HAPSTR1: variants seen among roughly 807,000 people sequenced by gnomAD.
HAPSTR1 encodes HUWE1-associated protein modifying stress responses 1.
chr16:9,099,467 A>C, the HAPSTR1 span, among the ~76,000 whole-genome samples: 1 of 152,322 alleles, frequency 6.6e-6, no homozygotes, highest in Non-Finnish European at 1.5e-5. Flanking sequence ...TGCTGGGATT[A>C]CACGGATGAG....
At chr16:9,117,232 T>C in the HAPSTR1 span, 1 of 252,496 alleles carries the variant, frequency 4.0e-6, no homozygotes, top group Non-Finnish European at 7.7e-6. Flanking sequence ...GGAAAGGAAA[T>C]ATCAGATGTT....
At chr16:9,119,393 GTT>G in the HAPSTR1 span, 2 of 152,206 alleles carry the variant, frequency 1.3e-5, no homozygotes, top group East Asian at 3.8e-4. Flanking sequence ...AAACTAGACA[GTT>G]TAGTTTTGGG....
At chr16:9,110,835 T>C in the HAPSTR1 span, 1 of 152,300 alleles carries the variant, frequency 6.6e-6, no homozygotes, top group Non-Finnish European at 1.5e-5. Context: ...GTCAGGAGTT[T>C]GAGACCGGCC....
At chr16:9,096,348 A>T in the HAPSTR1 span, among the ~76,000 whole-genome samples, 874 of 152,130 alleles carry the variant, frequency 5.7e-3, 2 homozygotes, top group Non-Finnish European at 8.8e-3. Context: ...CTTTTTAAAA[A>T]TTTTTTTTGT....
chr16:9,094,474 G>A, the HAPSTR1 span, among the ~76,000 whole-genome samples: 1 of 151,798 alleles, frequency 6.6e-6, no homozygotes, highest in Admixed American at 6.6e-5. Context: ...ACTGTTTTAG[G>A]ATATATACTT....
chr16:9,103,035 A>G, the HAPSTR1 span: 5 of 1,614,108 alleles, frequency 3.1e-6, no homozygotes, highest in African/African-American at 2.7e-5. Context: ...CAGATTGGCT[A>G]TCAGCGACGC....
chr16:9,120,778 A>G, the HAPSTR1 span: 1 of 150,764 alleles, frequency 6.6e-6, no homozygotes, highest in Non-Finnish European at 1.5e-5. Flanking sequence ...CCTGGGTTCA[A>G]GCAATTTTCA....
chr16:9,119,562 A>C, the HAPSTR1 span: 39,290 of 152,176 alleles, frequency 0.26, 5,253 homozygotes, highest in African/African-American at 0.34. Flanking sequence ...TAAAATGTTT[A>C]ATATTTTTTA....
the HAPSTR1 span, chr16:9,117,546 A>G: frequency 6.5e-6 from 1 of 153,030 alleles, no homozygotes; most frequent in African/African-American, 2.4e-5. Flanking sequence ...CCAGAGCTTT[A>G]TTGGATTCAC....
the HAPSTR1 span, chr16:9,108,231 C>G: frequency 3.3e-5 from 5 of 152,086 alleles, no homozygotes; most frequent in East Asian, 9.6e-4. Context: ...TGAAGAAAGC[C>G]TTACTTGGCT....
At chr16:9,095,006 ATTTG>A in the HAPSTR1 span, among the ~76,000 whole-genome samples, 6 of 152,250 alleles carry the variant, frequency 3.9e-5, no homozygotes, top group Admixed American at 1.3e-4. Flanking sequence ...AATGTTTACA[ATTTG>A]TTTGTTTTCC....
chr16:9,099,860 C>T, the HAPSTR1 span, among the ~76,000 whole-genome samples: 2 of 152,162 alleles, frequency 1.3e-5, no homozygotes, highest in Admixed American at 6.5e-5. Context: ...TCCTAATTAG[C>T]TCAAGTTATG....
the HAPSTR1 span, chr16:9,103,105 G>C: frequency 1.9e-6 from 3 of 1,614,166 alleles, no homozygotes; most frequent in Non-Finnish European, 2.5e-6. Context: ...GAGAAGATTT[G>C]ATCAGCTTCC....
At chr16:9,115,203 T>A in the HAPSTR1 span, among the ~76,000 whole-genome samples, 1 of 152,162 alleles carries the variant, frequency 6.6e-6, no homozygotes, top group Non-Finnish European at 1.5e-5. Flanking sequence ...CCAAGGGGAA[T>A]GTAATAGATT....
At chr16:9,105,242 AAT>A in the HAPSTR1 span, 1 of 152,232 alleles carries the variant, frequency 6.6e-6, no homozygotes, top group Non-Finnish European at 1.5e-5. Context: ...TTAAAACTTA[AAT>A]ATAAGGCTTT....
the HAPSTR1 span, chr16:9,103,204 T>G: frequency 1.9e-6 from 3 of 1,614,086 alleles, no homozygotes; most frequent in Non-Finnish European, 2.5e-6. Flanking sequence ...CAACGGAAAC[T>G]AGCTCATCTG....
the HAPSTR1 span, chr16:9,110,917 A>G: frequency 6.6e-6 from 1 of 152,354 alleles, no homozygotes; most frequent in Non-Finnish European, 1.5e-5. Flanking sequence ...GCATGCCTGT[A>G]ATCCTGTCTA....
the HAPSTR1 span, among the ~76,000 whole-genome samples, chr16:9,092,675 C>G: frequency 6.6e-6 from 1 of 152,118 alleles, no homozygotes; most frequent in Admixed American, 6.5e-5. Flanking sequence ...TTCCCTGCGC[C>G]GCGGCTCGTC....
At chr16:9,117,286 T>A in the HAPSTR1 span, 886 of 215,282 alleles carry the variant, frequency 4.1e-3, 4 homozygotes, top group Non-Finnish European at 3.7e-3. Context: ...GTCCATTTCC[T>A]GCTGTGTTGA....
Sources: gnomAD v4.1 joint callset for allele counts (sites outside exome capture counted in the v4.1 genomes callset) on GRCh38, gnomAD v4.1.1 for gene constraint, MANE v1.5 for transcripts, NCBI Gene and HGNC (gene_info 2026-07-23, HGNC 2026-07-21) for gene names.